The following B3GLCT variants were observed in gnomAD, a reference collection of about 807,000 sequenced individuals.
The protein encoded by B3GLCT is beta 3-glucosyltransferase.
A neutral mutation model predicts 63.4 loss-of-function variants in B3GLCT; 65 were observed. The observed-to-expected ratio is 1.03, with a 90% confidence interval of 0.84 to 1.26. The LOEUF (loss-of-function observed/expected upper bound fraction) is 1.26. Among genes scored for constraint, B3GLCT ranks in the 50% most tolerant of loss-of-function variants. The pLI, the probability that B3GLCT is intolerant of heterozygous loss-of-function variation, is 0.00. For missense variants in B3GLCT, 577 were observed against 604.8 expected, an observed-to-expected ratio of 0.95 and a Z score of 0.48; for synonymous variants, 233 against 219.2, an observed-to-expected ratio of 1.06 and a Z score of -0.55.
intron 1 of B3GLCT, among the ~76,000 whole-genome samples, chr13:31,203,711 C>T (rs1218586847): frequency 6.6e-6 from 1 of 152,164 alleles, no homozygotes; most frequent in Non-Finnish European, 1.5e-5. Flanking sequence ...CAGATTACTT[C>T]TTAAGAACAA....
chr13:31,231,559 T>G (rs1254041064), intron 4 of B3GLCT, among the ~76,000 whole-genome samples: 1 of 152,204 alleles, frequency 6.6e-6, no homozygotes, highest in Non-Finnish European at 1.5e-5. Flanking sequence ...TCATCCACTC[T>G]TATTTTATTT....
chr13:31,262,634 C>A (rs948780781), intron 7 of B3GLCT, among the ~76,000 whole-genome samples: 72 of 152,168 alleles, frequency 4.7e-4, no homozygotes, highest in African/African-American at 1.7e-3. Context: ...CAGGAGCTCC[C>A]AGGACATTCA....
rs1212833592 is a variant in B3GLCT, at chr13:31,247,953, A to G, written c.446A>G (p.Tyr149Cys). ...IPKLLETLRRYDPSKEWFLGK... is the reference protein window; with the variant it reads ...IPKLLETLRRCDPSKEWFLGK... ...AAACTCTTGGAAACCCTCAGAAGAT[A>G]TGACCCCTCTAAGGTGAATATAACT... Residue 149 changes from tyrosine (Y) to cysteine (C), a missense_variant, in exon 6 of 15, where the codon TAT becomes TGT. Tyr to Cys is a radical substitution (Grantham distance 194). Transcript: ENST00000343307. 6 of 1,581,056 alleles carry G rather than the reference A, an allele frequency of 3.8e-6. No homozygotes were observed. The highest frequency in any genetic ancestry group is 5.2e-6 in the Non-Finnish European group (6 of 1,150,094).
At chr13:31,210,979 G>A (rs1869227172) in intron 1 of B3GLCT, among the ~76,000 whole-genome samples, 1 of 152,052 alleles carries the variant, frequency 6.6e-6, no homozygotes, top group African/African-American at 2.4e-5. Context: ...TTGACCTCAA[G>A]CGATCCTCCT....
Position 31,233,431 on chromosome 13 carries a change from TA to T in B3GLCT, c.270+4148del, listed in dbSNP as rs71787718. Reference sequence around the variant, plus strand: ...AAATCCTTCAGTATTGAAACAAAATTAAAAAAAAAAATGGAAGATGTACTTC... The same window carrying T: ...AAATCCTTCAGTATTGAAACAAAATTAAAAAAAAAATGGAAGATGTACTTC... On this transcript the variant is annotated intron_variant, in intron 4 of 14. Coordinates refer to ENST00000343307, the MANE Select transcript of B3GLCT (RefSeq NM_194318.4). 2.3e-3 allele frequency among the ~76,000 whole-genome samples: 337 copies of T among 147,304 alleles called. 2 individuals are homozygous for T. The highest frequency in any genetic ancestry group is 7.3e-3 in the African/African-American group (295 of 40,360).
intron 6 of B3GLCT, among the ~76,000 whole-genome samples, chr13:31,251,960 G>GCCAA (rs1335562489): frequency 6.6e-6 from 1 of 151,498 alleles, no homozygotes; most frequent in African/African-American, 2.4e-5. Context: ...GTTAAGGGCA[G>GCCAA]CCAGAGGGAA....
chr13:31,316,985 C>G (rs1307015364), intron 12 of B3GLCT, among the ~76,000 whole-genome samples: 1 of 152,180 alleles, frequency 6.6e-6, no homozygotes, highest in Non-Finnish European at 1.5e-5. Flanking sequence ...AAAAAGTTCT[C>G]AGACTTGGGT....
intron 12 of B3GLCT, among the ~76,000 whole-genome samples, chr13:31,295,103 G>A (rs992913803): frequency 3.3e-5 from 5 of 152,070 alleles, no homozygotes; most frequent in African/African-American, 4.8e-5. Flanking sequence ...TTTGCTGGAC[G>A]TTCACTCCAG....
chr13:31,244,765 A>T (rs918555914), intron 4 of B3GLCT, among the ~76,000 whole-genome samples: 3 of 152,092 alleles, frequency 2.0e-5, no homozygotes, highest in African/African-American at 7.2e-5. Context: ...ATATGTGTGT[A>T]TATGTATATG....
intron 12 of B3GLCT, among the ~76,000 whole-genome samples, chr13:31,302,082 C>T (rs962723249): frequency 7.9e-5 from 12 of 152,164 alleles, no homozygotes; most frequent in African/African-American, 2.9e-4. Flanking sequence ...CCCCTCTCCC[C>T]TTCATCATTT....
chr13:31,228,729 G>A (rs899389629), intron 3 of B3GLCT, among the ~76,000 whole-genome samples: 13 of 152,228 alleles, frequency 8.5e-5, no homozygotes, highest in Non-Finnish European at 1.9e-4. Flanking sequence ...GTCACATTCT[G>A]AGGTATTGGG....
In B3GLCT at chr13:31,301,375, T is replaced by G. The variant is rs1033289308; in HGVS notation, c.1064+14556T>G. On this transcript the variant is annotated intron_variant, in intron 12 of 14. Transcript: ENST00000343307. ...TTAACTGGTTCCAATTTTAGCAAGT[T>G]CCATTAATACTGCTCAAAGGATTTA... Among the ~76,000 whole-genome samples the G allele has an allele frequency of 2.6e-5, 4 of 152,308 alleles. No homozygotes were observed. The South Asian group carries it at 8.3e-4, about 32-fold the overall frequency.
intron 3 of B3GLCT, among the ~76,000 whole-genome samples, chr13:31,224,213 T>C (rs1277562126): frequency 6.6e-6 from 1 of 152,174 alleles, no homozygotes; most frequent in Non-Finnish European, 1.5e-5. Flanking sequence ...TTCTTTCTAT[T>C]ATAACACCCT....
chr13:31,326,574 C>G (rs2137952381), intron 14 of B3GLCT, among the ~76,000 whole-genome samples: 1 of 152,286 alleles, frequency 6.6e-6, no homozygotes, highest in African/African-American at 2.4e-5. Context: ...AGCCACCACA[C>G]CTGGCTGTAG....
chr13:31,249,091 G>T (rs1235831763), intron 6 of B3GLCT, among the ~76,000 whole-genome samples: 1 of 152,188 alleles, frequency 6.6e-6, no homozygotes, highest in Non-Finnish European at 1.5e-5. Context: ...TGAATCAGAT[G>T]TAATGAGCTC....
chr13:31,240,490 T>TTA (rs1555247687), intron 4 of B3GLCT, among the ~76,000 whole-genome samples: 2 of 151,458 alleles, frequency 1.3e-5, no homozygotes, highest in African/African-American at 4.8e-5. Flanking sequence ...TTTTTTTTTT[T>TTA]TATATTAAAA....
chr13:31,274,251 C>T (rs933698389), intron 8 of B3GLCT, among the ~76,000 whole-genome samples: 7 of 152,116 alleles, frequency 4.6e-5, no homozygotes, highest in East Asian at 3.8e-4. Flanking sequence ...TTCCTAAAAC[C>T]GCATACTTCG....
intron 1 of B3GLCT, 23 bp downstream of exon 1, chr13:31,200,177 C>A: frequency 7.8e-7 from 1 of 1,280,836 alleles, no homozygotes; most frequent in Non-Finnish European, 1.0e-6. Context: ...CGGCCAGGCG[C>A]GCAAGGGCGA....
chr13:31,224,068 T>G (rs1869967486), intron 3 of B3GLCT, among the ~76,000 whole-genome samples: 1 of 152,140 alleles, frequency 6.6e-6, no homozygotes, highest in Non-Finnish European at 1.5e-5. Context: ...GGTGCAGAAG[T>G]TCAGGAGAGA....
Sources: allele counts gnomAD v4.1 joint callset (sites outside exome capture counted in the v4.1 genomes callset), GRCh38; gene constraint gnomAD v4.1.1; transcripts MANE v1.5; gene names NCBI Gene and HGNC (gene_info 2026-07-23, HGNC 2026-07-21).